The following PXDNL variants were observed in gnomAD, a reference collection of about 807,000 sequenced individuals.
PXDNL encodes the protein peroxidasin like, also known as probable oxidoreductase PXDNL.
Under a neutral mutation model 150.8 loss-of-function variants are expected in PXDNL, and 145 were observed. The ratio of observed to expected loss-of-function variants is 0.96; its 90% CI spans 0.84 to 1.10. The LOEUF (loss-of-function observed/expected upper bound fraction) is 1.10, where lower values mean the gene tolerates loss of function less well. Ranked by LOEUF, PXDNL falls within the 50% of genes least tolerant of loss-of-function variation. The pLI, the probability that PXDNL is intolerant of heterozygous loss-of-function variation, is 0.00. For missense variants in PXDNL, 2,087 were observed against 1,873.9 expected (o/e 1.11, Z -2.10); for synonymous variants, 757 against 725.7 (o/e 1.04, Z -0.69).
At chr8:51,473,981 G>A (rs1477713212) in intron 7 of PXDNL, among the ~76,000 whole-genome samples, 1 of 152,170 alleles carries the variant, frequency 6.6e-6, no homozygotes, top group Non-Finnish European at 1.5e-5. Flanking sequence ...AAGCAATCCA[G>A]CCAAACTTGA....
chr8:51,654,646 CATATA>C, intron 2 of PXDNL, 38 bp downstream of exon 2: 1 of 1,445,906 alleles, frequency 6.9e-7, no homozygotes, highest in Non-Finnish European at 9.7e-7. Context: ...ATCCAACCAG[CATATA>C]ATTTTAGGAA....
chr8:51,717,482 G>T (rs1816638004), intron 1 of PXDNL, among the ~76,000 whole-genome samples: 1 of 152,194 alleles, frequency 6.6e-6, no homozygotes, highest in South Asian at 2.1e-4. Flanking sequence ...TCTGTCTGTT[G>T]CTGCCATCCC....
At chr8:51,381,914 G>A (rs1158543683) in intron 17 of PXDNL, among the ~76,000 whole-genome samples, 5 of 151,786 alleles carry the variant, frequency 3.3e-5, no homozygotes, top group Middle Eastern at 3.2e-3. Flanking sequence ...GGCTACTGCT[G>A]ACTTTAACTT....
intron 2 of PXDNL, among the ~76,000 whole-genome samples, chr8:51,624,044 G>A (rs1335095438): frequency 7.7e-6 from 1 of 130,452 alleles, no homozygotes; most frequent in Non-Finnish European, 1.5e-5. Flanking sequence ...AACAAGCTGT[G>A]ATCATACCAC....
intron 2 of PXDNL, among the ~76,000 whole-genome samples, chr8:51,602,764 T>TGTTTATG (rs1389580016): frequency 6.6e-6 from 1 of 151,710 alleles, no homozygotes; most frequent in Non-Finnish European, 1.5e-5. Flanking sequence ...ATTAAACGTT[T>TGTTTATG]GTTTATGTTT....
intron 5 of PXDNL, among the ~76,000 whole-genome samples, chr8:51,494,528 C>G (rs6473612): frequency 0.96 from 145,852 of 152,162 alleles, 70,219 homozygotes; most frequent in East Asian, 1. Flanking sequence ...CTGTATTTAG[C>G]AAACCCATCT....
intron 1 of PXDNL, among the ~76,000 whole-genome samples, chr8:51,659,281 A>G (rs1815219215): frequency 6.6e-6 from 1 of 152,212 alleles, no homozygotes; most frequent in African/African-American, 2.4e-5. Context: ...TCATTGTACC[A>G]AGATAAAAGT....
intron 21 of PXDNL, among the ~76,000 whole-genome samples, chr8:51,328,897 C>T (rs1805596555): frequency 6.6e-6 from 1 of 152,110 alleles, no homozygotes; most frequent in South Asian, 2.1e-4. Context: ...GGCCTCTATA[C>T]CAAGGGAAAG....
chr8:51,696,792 C>T, intron 1 of PXDNL, among the ~76,000 whole-genome samples: 2 of 91,684 alleles, frequency 2.2e-5, no homozygotes, highest in Non-Finnish European at 2.3e-5. Flanking sequence ...CATACCCACC[C>T]ACACATAGGT....
At chr8:51,405,475 C>T (rs576700364) in intron 17 of PXDNL, among the ~76,000 whole-genome samples, 2 of 152,300 alleles carry the variant, frequency 1.3e-5, no homozygotes, top group African/African-American at 4.8e-5. Flanking sequence ...GAGGCAGAGA[C>T]AAGGGCCTCC....
intron 1 of PXDNL, among the ~76,000 whole-genome samples, chr8:51,800,647 A>G (rs2037608589): frequency 6.6e-6 from 1 of 152,224 alleles, no homozygotes; most frequent in Non-Finnish European, 1.5e-5. Flanking sequence ...TTTAATATGG[A>G]CACATATCAG....
intron 19 of PXDNL, among the ~76,000 whole-genome samples, chr8:51,361,568 A>G (rs925911428): frequency 5.3e-5 from 8 of 152,248 alleles, no homozygotes; most frequent in Non-Finnish European, 1.0e-4. Context: ...TGGAAGCAGC[A>G]AACACTTATA....
At chr8:51,367,625 C>A (rs1012891446) in intron 19 of PXDNL, among the ~76,000 whole-genome samples, 1 of 151,928 alleles carries the variant, frequency 6.6e-6, no homozygotes, top group Non-Finnish European at 1.5e-5. Flanking sequence ...AGTATGGCTG[C>A]ATGAATTTTG....
chr8:51,616,343 C>A (rs1814130077), intron 2 of PXDNL, among the ~76,000 whole-genome samples: 2 of 152,138 alleles, frequency 1.3e-5, no homozygotes, highest in African/African-American at 4.8e-5. Flanking sequence ...GAGAGAACAC[C>A]AAGGCCCACT....
rs549433302 is a variant in PXDNL, at chr8:51,469,802, T to C, written c.812+2385A>G. Among the ~76,000 whole-genome samples, 3 of 152,228 alleles carry C rather than the reference T, an allele frequency of 2.0e-5. No individual in the cohort carries two copies. The East Asian group carries it at 5.8e-4, about 29-fold the overall frequency. On this transcript the variant is annotated intron_variant, in intron 8 of 22. Transcript: ENST00000356297. ...TCTATAAAAAATACTCAACAGTAAA[T>C]AATCAGTAAGTTAATAGTTACTCAT...
intron 2 of PXDNL, among the ~76,000 whole-genome samples, chr8:51,652,462 A>ACAAAC (rs1563496494): frequency 4.6e-5 from 6 of 131,102 alleles, no homozygotes; most frequent in Admixed American, 1.5e-4. Context: ...CACACACACA[A>ACAAAC]ACACACACAC....
intron 11 of PXDNL, 22 bp downstream of exon 11, chr8:51,448,980 T>C (rs1347738811): frequency 2.4e-6 from 3 of 1,264,232 alleles, no homozygotes; most frequent in Non-Finnish European, 3.4e-6. Context: ...TTCCCCACAA[T>C]TACCTGCAGA....
intron 1 of PXDNL, among the ~76,000 whole-genome samples, chr8:51,733,177 A>G (rs958594308): frequency 6.6e-6 from 1 of 152,202 alleles, no homozygotes; most frequent in Non-Finnish European, 1.5e-5. Context: ...CCAAGAGTAA[A>G]TCTAAGAGGA....
At chr8:51,703,717 T>C (rs778056284) in intron 1 of PXDNL, among the ~76,000 whole-genome samples, 3 of 152,194 alleles carry the variant, frequency 2.0e-5, no homozygotes, top group Non-Finnish European at 4.4e-5. Context: ...TCATAATCAA[T>C]CCCTGTAGGA....
Sources: gnomAD v4.1 joint callset for allele counts (sites outside exome capture counted in the v4.1 genomes callset) on GRCh38, gnomAD v4.1.1 for gene constraint, MANE v1.5 for transcripts, NCBI Gene and HGNC (gene_info 2026-07-23, HGNC 2026-07-21) for gene names.